Variants in KLF9 observed in about 807,000 individuals in gnomAD.
KLF9 encodes the protein Krueppel-like factor 9.
KLF9 carries 2 observed loss-of-function variants against 17.3 expected under a neutral mutation model. The observed-to-expected ratio is 0.12, with a 90% CI of 0.05 to 0.36. The LOEUF is 0.36. Ranked by LOEUF, KLF9 falls within the 10% of genes least tolerant of loss-of-function variation. The probability of loss-of-function intolerance (pLI) is 1.00; values close to 1 mark genes in which losing one functional copy is unlikely to be tolerated. For synonymous variants in KLF9, 138 were observed against 139.2 expected (o/e 0.99, Z 0.06); for missense variants, 226 against 333.2 (o/e 0.68, Z 2.51).
chr9:70,412,719 T>C, intron 1 of KLF9, 140 bp downstream of exon 1: 1 of 826,146 alleles, frequency 1.2e-6, no homozygotes, highest in Non-Finnish European at 1.9e-6. Context: ...ACATTTAAAT[T>C]ATTTAAAGAG....
intron 1 of KLF9, among the ~76,000 whole-genome samples, chr9:70,407,646 G>T (rs1440775614): frequency 2.0e-5 from 3 of 152,228 alleles, no homozygotes; most frequent in African/African-American, 4.8e-5. Context: ...AGGCAACTGG[G>T]TGGCTCCTAC....
chr9:70,409,097 T>C (rs1463107909), intron 1 of KLF9, among the ~76,000 whole-genome samples: 3 of 91,440 alleles, frequency 3.3e-5, no homozygotes, highest in African/African-American at 3.2e-5. Context: ...TATATGTATA[T>C]ATATGTGTAT....
intron 1 of KLF9, among the ~76,000 whole-genome samples, chr9:70,397,346 A>G (rs1007188429): frequency 1.9e-4 from 29 of 152,068 alleles, no homozygotes; most frequent in South Asian, 1.0e-3. Flanking sequence ...ATGGTGGCAC[A>G]TGCCTGTAAT....
Position 70,387,905 on chromosome 9 carries a change from C to G in KLF9, c.606G>C (p.Gln202His). The G allele has an allele frequency of 6.2e-7, 1 of 1,614,144 alleles. No homozygotes were observed. Among genetic ancestry groups the G allele is most frequent in the Middle Eastern group, 1.6e-4 (1 of 6,062 alleles). Residue 202 changes from glutamine to histidine, a missense_variant, in exon 2 of 2, where the codon CAG (glutamine) becomes CAC (histidine). By Grantham distance (24) the Gln-to-His change is conservative. Transcript: ENST00000377126. ...GCTTCTCACACAGCGGACAGCGGAA[C>G]TGCTTTTCCCCAGTGTGGGTCCGGT... ...RHYRTHTGEK[Q>H]FRCPLCEKRF... is the part of the protein sequence containing the mutation.
At chr9:70,400,396 A>G (rs1014215153) in intron 1 of KLF9, among the ~76,000 whole-genome samples, 2 of 152,280 alleles carry the variant, frequency 1.3e-5, no homozygotes, top group East Asian at 3.9e-4. Context: ...CTCTCCCACG[A>G]GGCTGAAACA....
At chr9:70,389,853 T>C (rs1261507694) in intron 1 of KLF9, among the ~76,000 whole-genome samples, 3 of 152,222 alleles carry the variant, frequency 2.0e-5, no homozygotes, top group Non-Finnish European at 4.4e-5. Context: ...AGCTGCTGCA[T>C]AGACAGAGGA....
Position 70,387,505 on chromosome 9 carries a change from C to G in KLF9, c.*271G>C. On this transcript the variant is annotated 3_prime_UTR_variant, in exon 2 of 2. Coordinates refer to ENST00000377126, the MANE Select transcript of KLF9 (RefSeq NM_001206.4). The stretch of plus-strand genomic sequence containing the variant: ...AAACAAAAACAAAAACCAAAAAACC[C>G]AAAAGCATTTGCCTTCCCTCCAACA... The G allele has an allele frequency of 4.8e-6, 1 of 209,068 alleles. No individual in the cohort carries two copies. Among genetic ancestry groups the G allele is most frequent in the African/African-American group, 2.4e-5 (1 of 41,818 alleles). The allele number at this position is 209,068 out of a possible 1,614,324, so 13.0% of individuals were successfully genotyped here.
chr9:70,413,515 CG>C lies in KLF9; in HGVS notation c.-153del, dbSNP rs2037346254. The C allele has an allele frequency of 1.3e-6, 1 of 761,552 alleles. No individual in the cohort carries two copies. Among genetic ancestry groups the C allele is most frequent in the Non-Finnish European group, 1.7e-6 (1 of 575,884 alleles). 47.2% of individuals were successfully genotyped at this position (761,552 alleles called of 1,614,324 possible). On this transcript the variant is annotated 5_prime_UTR_variant, in exon 1 of 2. Coordinates refer to ENST00000377126, the MANE Select transcript of KLF9 (RefSeq NM_001206.4). This position sits in a 1 kb window ranked among gnomAD's most constrained non-coding sequence, Gnocchi z 5.6. ...GCGGGGGCGCGGGGCGCTTCCGACT[CG>C]CAGGAGCGCCGAGGCGACCTCAGCC...
chr9:70,404,574 C>T (rs904277764), intron 1 of KLF9, among the ~76,000 whole-genome samples: 1 of 151,922 alleles, frequency 6.6e-6, no homozygotes, highest in African/African-American at 2.4e-5. Flanking sequence ...CACTGCACTC[C>T]AGCCTCGGTG....
At chr9:70,399,160 T>C (rs918294951) in intron 1 of KLF9, among the ~76,000 whole-genome samples, 42 of 152,328 alleles carry the variant, frequency 2.8e-4, no homozygotes, top group African/African-American at 9.6e-4. Context: ...GTCTCAGTTA[T>C]ATGGCCCTGC....
chr9:70,410,684 A>T (rs2037305506), intron 1 of KLF9, among the ~76,000 whole-genome samples: 1 of 152,228 alleles, frequency 6.6e-6, no homozygotes, highest in Non-Finnish European at 1.5e-5. Context: ...TCCAAATGCC[A>T]TCTCTGCCCA....
At chr9:70,401,802 G>A (rs888052210) in intron 1 of KLF9, among the ~76,000 whole-genome samples, 9 of 151,496 alleles carry the variant, frequency 5.9e-5, no homozygotes, top group African/African-American at 2.2e-4. Context: ...ATCACATGAG[G>A]CCAGGAGTTT....
chr9:70,390,511 C>G (rs906291195), intron 1 of KLF9, among the ~76,000 whole-genome samples: 3 of 152,092 alleles, frequency 2.0e-5, no homozygotes, highest in African/African-American at 4.8e-5. Flanking sequence ...GACTTTTGAG[C>G]AAAAGTCAAA....
chr9:70,390,093 A>C (rs2037142993), intron 1 of KLF9, among the ~76,000 whole-genome samples: 1 of 152,182 alleles, frequency 6.6e-6, no homozygotes, highest in Admixed American at 6.5e-5. Flanking sequence ...AAACAACCAA[A>C]TCTATCACCT....
chr9:70,410,128 A>G (rs1245523467), intron 1 of KLF9, among the ~76,000 whole-genome samples: 1 of 152,248 alleles, frequency 6.6e-6, no homozygotes, highest in African/African-American at 2.4e-5. Context: ...TGATTAAAAT[A>G]CGAGGTACTG....
At chr9:70,402,908 G>A (rs2037232141) in intron 1 of KLF9, among the ~76,000 whole-genome samples, 1 of 152,192 alleles carries the variant, frequency 6.6e-6, no homozygotes, top group East Asian at 1.9e-4. Context: ...CCAACACTTT[G>A]AGAGGCCGAG....
In KLF9 at chr9:70,386,774, GTTCTT is replaced by G. The variant is rs1375347325; in HGVS notation, c.*997_*1001del. The stretch of plus-strand genomic sequence containing the variant: ...AGTTAATAGAGTTAAAATTCTGTTG[GTTCTT>G]TTCTTTTTCTTTTGCAAAACACTAC... On this transcript the variant is annotated 3_prime_UTR_variant, in exon 2 of 2. Transcript: ENST00000377126. 2 of 152,244 alleles carry G rather than the reference GTTCTT, an allele frequency of 1.3e-5. No individual in the cohort carries two copies. The highest frequency in any genetic ancestry group is 1.3e-4 in the Admixed American group (2 of 15,262). 9.4% of individuals were successfully genotyped at this position (152,244 alleles called of 1,614,324 possible).
chr9:70,394,306 C>CACACACAA (rs1366069681), intron 1 of KLF9, among the ~76,000 whole-genome samples: 1 of 151,724 alleles, frequency 6.6e-6, no homozygotes, highest in Non-Finnish European at 1.5e-5. Flanking sequence ...CATACACACA[C>CACACACAA]ACACACACAC....
At chr9:70,394,289 A>C (rs1009526923) in intron 1 of KLF9, among the ~76,000 whole-genome samples, 2 of 74,768 alleles carry the variant, frequency 2.7e-5, no homozygotes, top group Non-Finnish European at 5.1e-5. Flanking sequence ...TCCCCCATTT[A>C]ACAGCTCATA....
Sources: allele counts gnomAD v4.1 joint callset (sites outside exome capture counted in the v4.1 genomes callset), GRCh38; gene constraint gnomAD v4.1.1; non-coding constraint Gnocchi (gnomAD v3.1); transcripts MANE v1.5; gene names NCBI Gene and HGNC (gene_info 2026-07-23, HGNC 2026-07-21).